The following EED variants were observed in gnomAD, a reference collection of about 807,000 sequenced individuals.
EED encodes the protein polycomb protein EED.
Under a neutral mutation model 61.0 loss-of-function variants are expected in EED, and 9 were observed. The observed-to-expected ratio is 0.15, with a 90% confidence interval of 0.09 to 0.26. The LOEUF is 0.26. Among genes scored for constraint, EED ranks in the 10% least tolerant of loss-of-function variants. The pLI is 1.00. For synonymous variants in EED, 187 were observed against 174.4 expected (o/e 1.07, Z -0.57); for missense variants, 315 against 542.3 (o/e 0.58, Z 4.16).
At position 86,257,664 on chromosome 11, in the gene EED, A is replaced by C. The variant is rs535645275; in HGVS notation, c.634+68A>C. 4.6e-6 allele frequency: 6 copies of C among 1,299,404 alleles called. No individual in the cohort carries two copies. In the African/African-American group the frequency reaches 8.9e-5, roughly 19 times the overall value. 80.5% of individuals were successfully genotyped at this position (1,299,404 alleles called of 1,614,324 possible). On this transcript the variant is annotated intron_variant, in intron 6 of 11. Transcript: ENST00000263360. ...AATTAAGATGGAGTCACTAATGTCA[A>C]GAAAACCCTGACAAATAGGAAAAAC...
intron 5 of EED, 109 bp from the exon 6 acceptor site, chr11:86,257,406 T>G (rs530383873): frequency 1.4e-6 from 1 of 716,220 alleles, no homozygotes; most frequent in Non-Finnish European, 2.0e-6. Flanking sequence ...CAGCCAAGGT[T>G]GAGAACCACT....
chr11:86,252,035 TA>T (rs1458589123), intron 2 of EED, 112 bp from the exon 3 acceptor site: 1 of 632,280 alleles, frequency 1.6e-6, no homozygotes, highest in Non-Finnish European at 2.6e-6. Flanking sequence ...TTATGTATGA[TA>T]CACAAAATAA....
the EED span, among the ~76,000 whole-genome samples, chr11:86,286,693 C>T: frequency 1.3e-5 from 2 of 151,960 alleles, no homozygotes; most frequent in Non-Finnish European, 2.9e-5. Flanking sequence ...ACTATACAGG[C>T]CAGGTGCGGT....
intron 6 of EED, 155 bp from the exon 7 acceptor site, chr11:86,264,017 T>A: frequency 1.7e-6 from 1 of 586,368 alleles, no homozygotes; most frequent in Non-Finnish European, 3.0e-6. Flanking sequence ...CTACATCTGA[T>A]GTAAACATTT....
chr11:86,261,328 A>G (rs1160415239), intron 6 of EED, among the ~76,000 whole-genome samples: 2 of 152,254 alleles, frequency 1.3e-5, no homozygotes, highest in Non-Finnish European at 2.9e-5. Flanking sequence ...AAGGCACCAG[A>G]ATAATCTTCC....
chr11:86,266,801 A>G (rs963525337), intron 8 of EED, among the ~76,000 whole-genome samples: 2 of 152,258 alleles, frequency 1.3e-5, no homozygotes, highest in Admixed American at 6.5e-5. Flanking sequence ...TAATGCAGTA[A>G]CTGTCTTTAG....
downstream of EED, among the ~76,000 whole-genome samples, chr11:86,283,612 G>C (rs950741249): frequency 6.6e-6 from 1 of 152,156 alleles, no homozygotes; most frequent in Admixed American, 6.5e-5. Context: ...GATGACTGAC[G>C]AGGTGAATAT....
chr11:86,264,315 A>G lies in EED; in HGVS notation c.726+52A>G, dbSNP rs572894892. The G allele has an allele frequency of 9.9e-6, 13 of 1,308,472 alleles. No individual in the cohort carries two copies. The Admixed American group carries it at 2.1e-4, about 21-fold the overall frequency. The allele number at this position is 1,308,472 out of a possible 1,614,324, so 81.1% of individuals were successfully genotyped here. ...CTTTCAGGTTTACATAGCTGTGAAC[A>G]GTCTCCATGGAACTGTTTCCTTATA... On this transcript the variant is annotated intron_variant, in intron 7 of 11. Transcript: ENST00000263360.
At chr11:86,269,715 T>G (rs1184425419) in intron 9 of EED, among the ~76,000 whole-genome samples, 1 of 152,216 alleles carries the variant, frequency 6.6e-6, no homozygotes, top group African/African-American at 2.4e-5. Flanking sequence ...TTTAGTTTTA[T>G]GTCATTTTAT....
At chr11:86,272,115 T>C (rs1302184730) in intron 9 of EED, among the ~76,000 whole-genome samples, 1 of 119,464 alleles carries the variant, frequency 8.4e-6, no homozygotes, top group Non-Finnish European at 1.7e-5. Context: ...TGGAGTGCAA[T>C]GGCGCGATCT....
rs77644180 is a variant in EED, at chr11:86,252,515, T to C, written c.360+275T>C. ...TACTTGGTTGAAAGAATTGGCGTCC[T>C]TTTTTTTTTTTTTTAATTGGCGTTC... On this transcript the variant is annotated intron_variant, in intron 3 of 11. Coordinates refer to ENST00000263360, the MANE Select transcript of EED (RefSeq NM_003797.5). Among the ~76,000 whole-genome samples the C allele has an allele frequency of 7.1e-3, 852 of 119,390 alleles. 5 individuals carry two copies. Among genetic ancestry groups the C allele is most frequent in the African/African-American group, 0.016 (446 of 27,396 alleles). 78.3% of individuals were successfully genotyped at this position (119,390 alleles called of 152,430 possible).
intron 6 of EED, among the ~76,000 whole-genome samples, chr11:86,259,959 A>G (rs1334692970): frequency 6.6e-6 from 1 of 151,532 alleles, no homozygotes; most frequent in East Asian, 1.9e-4. Context: ...AAAATGTTAC[A>G]GAGTCACTAA....
Position 86,245,259 on chromosome 11 carries a change from G to A in EED, c.30G>A (p.Pro10=). The A allele has an allele frequency of 6.2e-7, 1 of 1,613,442 alleles. No homozygotes were observed. Among genetic ancestry groups the A allele is most frequent in the Non-Finnish European group, 8.5e-7 (1 of 1,179,928 alleles). ...CCGAGAGGGAAGTGTCGACTGCGCC[G>A]GCGGGAACAGACATGCCTGCGGCCA... MSEREVSTA[P]AGTDMPAAKK... The change falls in exon 1 of 12, where the codon CCG becomes CCA. Residue 10 remains proline (P), a synonymous_variant. Coordinates refer to ENST00000263360, the MANE Select transcript of EED (RefSeq NM_003797.5).
chr11:86,244,934 T>G lies in EED; in HGVS notation c.-296T>G. The G allele has an allele frequency of 5.4e-6, 2 of 370,802 alleles. No individual in the cohort carries two copies. The highest frequency in any genetic ancestry group is 9.8e-6 in the Non-Finnish European group (2 of 204,236). The allele number at this position is 370,802 out of a possible 1,614,324, so 23.0% of individuals were successfully genotyped here. On this transcript the variant is annotated 5_prime_UTR_variant, in exon 1 of 12. Transcript: ENST00000263360. ...ACTGCCCTCTTAATCCAACGGACCT[T>G]ACATCGTGTAGACTGCCGGGAGGGC...
At chr11:86,274,980 G>C (rs1946195513) in intron 9 of EED, among the ~76,000 whole-genome samples, 1 of 152,154 alleles carries the variant, frequency 6.6e-6, no homozygotes, top group African/African-American at 2.4e-5. Flanking sequence ...ATTTTGTCCT[G>C]TTAGGCTGCT....
At chr11:86,262,126 T>G (rs1283530165) in intron 6 of EED, among the ~76,000 whole-genome samples, 1 of 152,046 alleles carries the variant, frequency 6.6e-6, no homozygotes, top group Admixed American at 6.5e-5. Flanking sequence ...AAATGATCCT[T>G]CCACCTCAGC....
chr11:86,287,055 A>G, the EED span, among the ~76,000 whole-genome samples: 3 of 151,458 alleles, frequency 2.0e-5, no homozygotes, highest in East Asian at 5.8e-4. Flanking sequence ...ATGAAACAAT[A>G]TACTTACTAA....
At chr11:86,274,490 G>A (rs926224954) in intron 9 of EED, among the ~76,000 whole-genome samples, 1 of 152,170 alleles carries the variant, frequency 6.6e-6, no homozygotes, top group Non-Finnish European at 1.5e-5. Flanking sequence ...TTCTCTTACA[G>A]CAGGCTTTCT....
chr11:86,255,573 G>C (rs1945648553), intron 4 of EED, among the ~76,000 whole-genome samples: 1 of 152,042 alleles, frequency 6.6e-6, no homozygotes, highest in African/African-American at 2.4e-5. Context: ...TAGAAATCTA[G>C]TAATAGAAAA....
Sources: gnomAD v4.1 joint callset for allele counts (sites outside exome capture counted in the v4.1 genomes callset) on GRCh38, gnomAD v4.1.1 for gene constraint, MANE v1.5 for transcripts, NCBI Gene and HGNC (gene_info 2026-07-23, HGNC 2026-07-21) for gene names.